The following RBPJ variants were observed in gnomAD, a reference collection of about 807,000 sequenced individuals.
The protein encoded by RBPJ is recombination signal binding protein for immunoglobulin kappa J region, also known as recombining binding protein suppressor of hairless.
In RBPJ, 9 loss-of-function variants were observed where a neutral mutation model predicts 67.8. That is an observed-to-expected ratio of 0.13 (90% CI 0.08 to 0.23). The LOEUF (loss-of-function observed/expected upper bound fraction) is 0.23, where lower values mean the gene tolerates loss of function less well. RBPJ is among the 10% of genes least tolerant of loss of function. RBPJ has a pLI of 1.00. For synonymous variants in RBPJ, 198 were observed against 203.3 expected (o/e 0.97, Z 0.22); for missense variants, 305 against 595.6 (o/e 0.51, Z 5.08).
intron 1 of RBPJ, among the ~76,000 whole-genome samples, chr4:26,228,661 G>A (rs754464666): frequency 6.6e-6 from 1 of 152,176 alleles, no homozygotes; most frequent in Admixed American, 6.6e-5. Flanking sequence ...CAAAATTCTA[G>A]GTAAAACTGA....
At chr4:26,136,529 T>G in the RBPJ span, among the ~76,000 whole-genome samples, 11 of 152,158 alleles carry the variant, frequency 7.2e-5, no homozygotes, top group Non-Finnish European at 1.0e-4. Context: ...GGAGGAAGAC[T>G]TTGGATGGAA....
At chr4:26,172,241 G>A (rs568056844) in intron 1 of RBPJ, among the ~76,000 whole-genome samples, 213 of 152,164 alleles carry the variant, frequency 1.4e-3, no homozygotes, top group Middle Eastern at 3.4e-3. Flanking sequence ...AACAGCTGCC[G>A]CCATCCGCCT....
At chr4:26,281,272 T>G (rs932823476) in intron 1 of RBPJ, among the ~76,000 whole-genome samples, 9 of 152,136 alleles carry the variant, frequency 5.9e-5, no homozygotes, top group South Asian at 2.1e-4. Flanking sequence ...TCTGCAGTTT[T>G]TTTGTTTGTT....
the RBPJ span, among the ~76,000 whole-genome samples, chr4:26,119,150 G>A: frequency 6.6e-6 from 1 of 152,196 alleles, no homozygotes; most frequent in Non-Finnish European, 1.5e-5. Context: ...TGTAAGGAAA[G>A]CCCCTAGCAC....
Position 26,406,157 on chromosome 4 carries a change from A to C in RBPJ, c.60-18A>C. 6.7e-7 allele frequency: 1 copy of C among 1,502,354 alleles called. No individual in the cohort carries two copies. The highest frequency in any genetic ancestry group is 1.1e-5 in the South Asian group (1 of 88,664). The allele number at this position is 1,502,354 out of a possible 1,614,324, so 93.1% of individuals were successfully genotyped here. A position where few individuals can be genotyped will look rare whatever the true frequency, so the allele number is the denominator to read the frequency against. On this transcript the variant is annotated intron_variant, in intron 2 of 10. Transcript: ENST00000355476. ...AGAATTTCACCTCTGTAACAGTAAT[A>C]TTTGTATTTGTTTTTAGGGAAGCTA... is the stretch of plus-strand genomic sequence containing the variant.
At chr4:26,127,626 A>G in the RBPJ span, among the ~76,000 whole-genome samples, 1 of 152,212 alleles carries the variant, frequency 6.6e-6, no homozygotes, top group South Asian at 2.1e-4. Flanking sequence ...TAAATATATA[A>G]GTACAGTTTG....
At chr4:26,210,743 C>T (rs76956252) in intron 1 of RBPJ, among the ~76,000 whole-genome samples, 6 of 70,424 alleles carry the variant, frequency 8.5e-5, no homozygotes, top group Non-Finnish European at 1.2e-4. Context: ...TTACTTCTTT[C>T]CTTCTTTCCT....
the RBPJ span, among the ~76,000 whole-genome samples, chr4:26,137,320 C>T: frequency 6.6e-6 from 1 of 152,322 alleles, no homozygotes; most frequent in African/African-American, 2.4e-5. Flanking sequence ...CTGACCCACC[C>T]TCTCATTGTA....
intron 1 of RBPJ, among the ~76,000 whole-genome samples, chr4:26,243,329 A>T (rs1452223109): frequency 6.6e-6 from 1 of 152,244 alleles, no homozygotes; most frequent in Non-Finnish European, 1.5e-5. Context: ...TTTCTTAAAA[A>T]ATAAATGAAG....
At chr4:26,226,667 T>A (rs1171341370) in intron 1 of RBPJ, among the ~76,000 whole-genome samples, 2 of 152,168 alleles carry the variant, frequency 1.3e-5, no homozygotes, top group Non-Finnish European at 2.9e-5. Context: ...GGCATGTAAC[T>A]CTCAAAATTG....
intron 7 of RBPJ, among the ~76,000 whole-genome samples, chr4:26,427,113 A>G (rs1210618936): frequency 2.0e-5 from 3 of 152,160 alleles, no homozygotes; most frequent in Non-Finnish European, 4.4e-5. Flanking sequence ...AGTTGATGCT[A>G]TCTTAGACCC....
At chr4:26,312,957 G>C (rs896375336) in intron 1 of RBPJ, among the ~76,000 whole-genome samples, 1 of 152,052 alleles carries the variant, frequency 6.6e-6, no homozygotes, top group Non-Finnish European at 1.5e-5. Flanking sequence ...TTCTCTCTCT[G>C]TCTCGCCCAG....
At chr4:26,138,407 G>A in the RBPJ span, among the ~76,000 whole-genome samples, 2 of 152,070 alleles carry the variant, frequency 1.3e-5, no homozygotes, top group South Asian at 4.1e-4. Context: ...ATGAAAAGAG[G>A]AGAGGATGCG....
intron 1 of RBPJ, among the ~76,000 whole-genome samples, chr4:26,299,703 A>G (rs572515147): frequency 1.9e-5 from 2 of 103,646 alleles, no homozygotes; most frequent in African/African-American, 3.9e-5. Flanking sequence ...TTTTTGAGAC[A>G]GTTTCGCTCG....
chr4:26,261,736 T>A (rs1312490752), intron 1 of RBPJ, among the ~76,000 whole-genome samples: 2 of 152,218 alleles, frequency 1.3e-5, no homozygotes, highest in African/African-American at 4.8e-5. Context: ...CAGTGAGTGC[T>A]CTATCAGGAC....
chr4:26,177,404 C>T lies in RBPJ; in HGVS notation c.-167+13790C>T, dbSNP rs149874999. 4.0e-3 allele frequency among the ~76,000 whole-genome samples: 604 copies of T among 152,180 alleles called. 2 individuals are homozygous for T. The highest frequency in any genetic ancestry group is 6.1e-3 in the Non-Finnish European group (414 of 68,016). Reference sequence around the variant, plus strand: ...AAGCCTGGGCAACATGGTGAAACCCCATCTCTACTAAAAATACAAAAAATT... The same window carrying T: ...AAGCCTGGGCAACATGGTGAAACCCTATCTCTACTAAAAATACAAAAAATT... On this transcript the variant is annotated intron_variant, in intron 1 of 4. Coordinates refer to the RBPJ transcript ENST00000512351.
At chr4:26,358,670 C>T (rs938611828) in intron 1 of RBPJ, among the ~76,000 whole-genome samples, 4 of 150,698 alleles carry the variant, frequency 2.7e-5, no homozygotes, top group South Asian at 2.1e-4. Flanking sequence ...ATAGTTCCAG[C>T]TACTCAGGAG....
chr4:26,319,197 T>C (rs1722781576), upstream of RBPJ, among the ~76,000 whole-genome samples: 1 of 151,880 alleles, frequency 6.6e-6, no homozygotes. Flanking sequence ...GTACCAGGCT[T>C]GTGGAGGGCG....
intron 1 of RBPJ, among the ~76,000 whole-genome samples, chr4:26,365,241 G>A (rs1728507780): frequency 6.6e-6 from 1 of 152,042 alleles, no homozygotes; most frequent in African/African-American, 2.4e-5. Context: ...TACCCTGACT[G>A]AGTCTTGTAC....
Sources: gnomAD v4.1 joint callset for allele counts (sites outside exome capture counted in the v4.1 genomes callset) on GRCh38, gnomAD v4.1.1 for gene constraint, MANE v1.5 for transcripts, NCBI Gene and HGNC (gene_info 2026-07-23, HGNC 2026-07-21) for gene names.